Variants in CPLX1 observed in about 807,000 individuals in gnomAD.
CPLX1 encodes complexin-1.
A neutral mutation model predicts 15.6 loss-of-function variants in CPLX1; 6 were observed. The ratio of observed to expected loss-of-function variants is 0.39; its 90% CI spans 0.21 to 0.76. CPLX1 has a LOEUF of 0.76. CPLX1 is among the 30% of genes least tolerant of loss of function. The probability of loss-of-function intolerance (pLI) is 0.43; values close to 1 mark genes in which losing one functional copy is unlikely to be tolerated. For synonymous variants in CPLX1, 91 were observed against 75.2 expected (o/e 1.21, Z -1.08); for missense variants, 242 against 188.6 (o/e 1.28, Z -1.66).
intron 2 of CPLX1, among the ~76,000 whole-genome samples, chr4:817,188 C>T (rs1746772467): frequency 6.6e-6 from 1 of 150,716 alleles, no homozygotes; most frequent in African/African-American, 2.4e-5. Flanking sequence ...TGAATGGCAA[C>T]CCACATAAAG....
In CPLX1 at chr4:792,512, TGGC is replaced by T; in HGVS notation, c.125_127del (p.Arg42del). 1 of 1,613,188 alleles carries T rather than the reference TGGC, an allele frequency of 6.2e-7. No homozygotes were observed. Among genetic ancestry groups the T allele is most frequent in the South Asian group, 1.1e-5 (1 of 91,060 alleles). On this transcript the variant is annotated inframe_deletion, in exon 3 of 4. Transcript: ENST00000304062. The stretch of plus-strand genomic sequence containing the variant: ...CTTGGCCTTGCGCTCCTCCTCCGCC[TGGC>T]GCAGCGCCTCCTGCCGCTCCTCCTC...
At position 786,111 on chromosome 4, in the gene CPLX1, G is replaced by C. The variant is rs11248041; in HGVS notation, c.*390C>G. On this transcript the variant is annotated 3_prime_UTR_variant, in exon 4 of 4. Transcript: ENST00000304062. ...CCCCGCCGCCCTCGCCCCGCCCGCA[G>C]CCCCCCGTCTGCTATGGCTGTGCTC... is the stretch of plus-strand genomic sequence containing the variant. 0.78 allele frequency: 121,809 copies of C among 156,002 alleles called. 48,102 individuals are homozygous for C. Among genetic ancestry groups the C allele is most frequent in the Middle Eastern group, 0.92 (291 of 318 alleles). 9.7% of individuals were successfully genotyped at this position (156,002 alleles called of 1,614,324 possible). A position where few individuals can be genotyped will look rare whatever the true frequency, so the allele number is the denominator to read the frequency against.
chr4:786,298 G>C lies in CPLX1; in HGVS notation c.*203C>G. The C allele has an allele frequency of 2.3e-6, 1 of 442,698 alleles. No individual in the cohort carries two copies. The highest frequency in any genetic ancestry group is 4.3e-5 in the Admixed American group (1 of 23,372). The allele number at this position is 442,698 out of a possible 1,614,324, so 27.4% of individuals were successfully genotyped here. A position where few individuals can be genotyped will look rare whatever the true frequency, so the allele number is the denominator to read the frequency against. On this transcript the variant is annotated 3_prime_UTR_variant, in exon 4 of 4. Transcript: ENST00000304062. ...ATGGGGCTCCAGCCACCCGCGGGCA[G>C]AGGAGCACGGGGCGGACTGGGGGGG... is the stretch of plus-strand genomic sequence containing the variant.
rs972231525 is a variant in CPLX1 at position 800,215 on chromosome 4, C to T, written c.32-7607G>A. The stretch of plus-strand genomic sequence containing the variant: ...CACAGACATCTTCTGTGTTGATTAT[C>T]CTTGTGGAGTGAGGGCAAAGGGAAA... On this transcript the variant is annotated intron_variant, in intron 2 of 3. Transcript: ENST00000304062. 1.1e-4 allele frequency among the ~76,000 whole-genome samples: 16 copies of T among 152,254 alleles called. 3 individuals carry two copies. Among genetic ancestry groups the T allele is most frequent in the East Asian group, 1.9e-4 (1 of 5,178 alleles).
At chr4:796,435 G>A (rs1287656700) in intron 2 of CPLX1, among the ~76,000 whole-genome samples, 3 of 152,064 alleles carry the variant, frequency 2.0e-5, no homozygotes, top group African/African-American at 4.8e-5. Context: ...ACAGGCACGC[G>A]CCACCACGCC....
At chr4:812,209 G>A (rs1746676860) in intron 2 of CPLX1, among the ~76,000 whole-genome samples, 1 of 151,994 alleles carries the variant, frequency 6.6e-6, no homozygotes, top group Non-Finnish European at 1.5e-5. Context: ...CGAGTAGCTG[G>A]GACTACAGGC....
Position 824,555 on chromosome 4 carries a change from A to G in CPLX1, c.-33T>C, listed in dbSNP as rs765619001. ...GCTCTGCTTCCACAGTGGCTCCTCC[A>G]GGGGTCAGAACTCACACGCAAGTAT... On this transcript the variant is annotated 5_prime_UTR_variant, in exon 2 of 4. Transcript: ENST00000304062. 7 of 1,611,796 alleles carry G rather than the reference A, an allele frequency of 4.3e-6. No individual in the cohort carries two copies. Among genetic ancestry groups the G allele is most frequent in the South Asian group, 1.1e-5 (1 of 91,068 alleles).
rs545663515 is a variant in CPLX1, at chr4:797,517, G to A, written c.32-4909C>T. 5.3e-5 allele frequency among the ~76,000 whole-genome samples: 8 copies of A among 152,212 alleles called. No homozygotes were observed. The East Asian group carries it at 9.7e-4, about 19-fold the overall frequency. Reference sequence around the variant, plus strand: ...TAATATTTGTATTTTTAATAGAGACGGGGTTTCACCGTGTTGGTCAGGCTG... The same window carrying A: ...TAATATTTGTATTTTTAATAGAGACAGGGTTTCACCGTGTTGGTCAGGCTG... On this transcript the variant is annotated intron_variant, in intron 2 of 3. Transcript: ENST00000304062.
intron 2 of CPLX1, among the ~76,000 whole-genome samples, chr4:797,730 G>A: frequency 6.6e-6 from 1 of 150,934 alleles, no homozygotes; most frequent in Admixed American, 6.6e-5. Flanking sequence ...TCAGGAGATC[G>A]AGACCATCCT....
At chr4:820,741 G>A (rs1746844239) in intron 2 of CPLX1, among the ~76,000 whole-genome samples, 3 of 104,472 alleles carry the variant, frequency 2.9e-5, no homozygotes, top group African/African-American at 9.4e-5. Flanking sequence ...CCCCTCACCA[G>A]CCTCACGTGA....
At chr4:793,123 T>C (rs1465662266) in intron 2 of CPLX1, among the ~76,000 whole-genome samples, 1 of 152,148 alleles carries the variant, frequency 6.6e-6, no homozygotes, top group Non-Finnish European at 1.5e-5. Flanking sequence ...CTTCCAGGGG[T>C]TGAAGCGTCT....
intron 2 of CPLX1, among the ~76,000 whole-genome samples, chr4:806,102 T>C (rs1027841084): frequency 2.0e-5 from 3 of 152,332 alleles, no homozygotes; most frequent in Non-Finnish European, 4.4e-5. Flanking sequence ...GTAAATTTTA[T>C]GCTATATATT....
rs545213361 is a variant in CPLX1, at chr4:823,631, C to T, written c.31+861G>A. On this transcript the variant is annotated intron_variant, in intron 2 of 3. Coordinates refer to ENST00000304062, the MANE Select transcript of CPLX1 (RefSeq NM_006651.4). ...TGGTGCTGGGGGAACACAGGATGGA[C>T]GGCTCTGGGCAAAACTGAGACTCGC... 6.6e-5 allele frequency among the ~76,000 whole-genome samples: 10 copies of T among 152,222 alleles called. 1 individual carries two copies. The highest frequency in any genetic ancestry group is 2.0e-4 in the Admixed American group (3 of 15,288).
chr4:789,839 C>T (rs1394938427), intron 3 of CPLX1, among the ~76,000 whole-genome samples: 2 of 152,324 alleles, frequency 1.3e-5, no homozygotes, highest in African/African-American at 2.4e-5. Context: ...CCCAAGATGC[C>T]GGGGGGTGCC....
intron 2 of CPLX1, among the ~76,000 whole-genome samples, chr4:818,437 G>A (rs867609359): frequency 4.6e-5 from 7 of 152,390 alleles, no homozygotes; most frequent in African/African-American, 9.6e-5. Flanking sequence ...TCTGATGCAC[G>A]TCCTGCAATG....
chr4:824,404 T>A, intron 2 of CPLX1, 88 bp downstream of exon 2: 1 of 1,234,044 alleles, frequency 8.1e-7, no homozygotes, highest in East Asian at 2.3e-5. Flanking sequence ...GCAGGGGCGC[T>A]GCTGCGGTGG....
chr4:806,718 A>G (rs1406081212), intron 2 of CPLX1, among the ~76,000 whole-genome samples: 1 of 152,184 alleles, frequency 6.6e-6, no homozygotes, highest in Non-Finnish European at 1.5e-5. Flanking sequence ...CAAACCTGTG[A>G]AAAAAAGCTC....
At chr4:793,729 G>A (rs73060334) in intron 2 of CPLX1, among the ~76,000 whole-genome samples, 14,480 of 152,220 alleles carry the variant, frequency 0.095, 770 homozygotes, top group Middle Eastern at 0.15. Flanking sequence ...CTCTCCCCCC[G>A]CGGCCACCCG....
intron 3 of CPLX1, chr4:787,997 T>C (rs961127809): frequency 2.0e-6 from 2 of 985,244 alleles, no homozygotes; most frequent in African/African-American, 3.5e-5. Context: ...ACAGGTGCTC[T>C]GGAGTAGTGA....
Sources: gnomAD v4.1 joint callset for allele counts (sites outside exome capture counted in the v4.1 genomes callset) on GRCh38, gnomAD v4.1.1 for gene constraint, MANE v1.5 for transcripts, NCBI Gene and HGNC (gene_info 2026-07-23, HGNC 2026-07-21) for gene names.